Variants in ORC4 observed in about 807,000 individuals in gnomAD.
ORC4 encodes origin recognition complex, subunit 4 homolog.
In ORC4, 55 loss-of-function variants were observed where a neutral mutation model predicts 63.9. That is an observed-to-expected ratio of 0.86 (90% CI 0.69 to 1.08). The LOEUF is 1.08. Ranked by LOEUF, ORC4 falls within the 50% of genes least tolerant of loss-of-function variation. The probability of loss-of-function intolerance (pLI) is 0.00; values close to 1 mark genes in which losing one functional copy is unlikely to be tolerated. For missense variants in ORC4, 511 were observed against 504.4 expected, an observed-to-expected ratio of 1.01 and a Z score of -0.13; for synonymous variants, 150 against 168.5, an observed-to-expected ratio of 0.89 and a Z score of 0.85.
chr2:147,952,515 G>C lies in ORC4; in HGVS notation c.446C>G (p.Thr149Ser). Residue 149 changes from threonine to serine, a missense_variant, in exon 8 of 14, where the codon ACT (threonine) becomes AGT (serine). Coordinates refer to ENST00000392857, the MANE Select transcript of ORC4 (RefSeq NM_181741.4). ...TATGAAGATCACTGGGCAACTGCTA[G>C]TTCGGTCACCTAAGATAAAATAAGA... ...LLEALKKGDR[T>S]SSCPVIFILD... 1.2e-6 allele frequency: 2 copies of C among 1,609,342 alleles called. No homozygotes were observed. The highest frequency in any genetic ancestry group is 1.7e-6 in the Non-Finnish European group (2 of 1,175,722).
chr2:147,948,304 T>C, intron 8 of ORC4, 80 bp from the exon 9 acceptor site: 2 of 857,156 alleles, frequency 2.3e-6, no homozygotes, highest in Non-Finnish European at 1.9e-6. Context: ...GTTAGAGGTA[T>C]AAGTAAACTA....
rs756206130 is a variant in ORC4 at position 147,934,459 on chromosome 2, C to T, written c.*1051G>A. On this transcript the variant is annotated 3_prime_UTR_variant, in exon 14 of 14. Transcript: ENST00000392857. Reference sequence around the variant, plus strand: ...AACAGGTTCAGTTAACATTGCCATACACATCTCATTACTTTTGGGAGTGCT... The same window carrying T: ...AACAGGTTCAGTTAACATTGCCATATACATCTCATTACTTTTGGGAGTGCT... 3.3e-5 allele frequency: 5 copies of T among 152,254 alleles called. No individual in the cohort carries two copies. The highest frequency in any genetic ancestry group is 7.4e-5 in the Non-Finnish European group (5 of 68,010). The allele number at this position is 152,254 out of a possible 1,614,324, so 9.4% of individuals were successfully genotyped here. A position where few individuals can be genotyped will look rare whatever the true frequency, so the allele number is the denominator to read the frequency against.
rs199667986 is a variant in ORC4, at chr2:147,975,936, C to G, written c.23G>C (p.Ser8Thr). Reference protein sequence around the residue: MSSRKSKSNSLIHTECLS... With the variant: MSSRKSKTNSLIHTECLS... ...GCACTCTGTGTGAATTAAGCTGTTA[C>G]TCTTTGATTTACGACTGCTCATTTC... The change falls in exon 2 of 14, where the codon AGT (serine) becomes ACT (threonine). Residue 8 changes from serine to threonine, a missense_variant. Ser to Thr is a moderately conservative substitution (Grantham distance 58). Transcript: ENST00000392857. 1.9e-4 allele frequency: 307 copies of G among 1,594,466 alleles called. No individual in the cohort carries two copies. The highest frequency in any genetic ancestry group is 1.3e-4 in the Non-Finnish European group (150 of 1,162,996).
At chr2:148,018,262 A>G (rs973539816) in intron 1 of ORC4, among the ~76,000 whole-genome samples, 3 of 152,228 alleles carry the variant, frequency 2.0e-5, no homozygotes, top group Admixed American at 1.3e-4. Context: ...TAAAACAACA[A>G]TAAGATAAAG....
Position 148,017,684 on chromosome 2 carries a change from A to T in ORC4, c.-18+2949T>A, listed in dbSNP as rs1013272710. On this transcript the variant is annotated intron_variant, in intron 1 of 13. Transcript: ENST00000392857. Reference sequence around the variant, plus strand: ...GAGACTCCATCTCCAGGGGGGAAAAAATCTCCAAAAATTAAAAAATAATAA... The same window carrying T: ...GAGACTCCATCTCCAGGGGGGAAAATATCTCCAAAAATTAAAAAATAATAA... 4.6e-5 allele frequency among the ~76,000 whole-genome samples: 7 copies of T among 152,322 alleles called. No homozygotes were observed. In the South Asian group the frequency reaches 8.3e-4, roughly 18 times the overall value.
chr2:147,996,566 C>G (rs544598648), intron 1 of ORC4, among the ~76,000 whole-genome samples: 10 of 152,182 alleles, frequency 6.6e-5, no homozygotes, highest in African/African-American at 2.4e-4. Flanking sequence ...ATACAAAGAA[C>G]TCAACAAGGA....
At chr2:148,007,100 G>A (rs947081001) in intron 1 of ORC4, among the ~76,000 whole-genome samples, 1 of 152,186 alleles carries the variant, frequency 6.6e-6, no homozygotes, top group Non-Finnish European at 1.5e-5. Context: ...AGTGACTACA[G>A]GCTTAGGTCA....
chr2:147,969,603 A>G (rs1174920839), intron 4 of ORC4, among the ~76,000 whole-genome samples: 1 of 152,002 alleles, frequency 6.6e-6, no homozygotes, highest in Non-Finnish European at 1.5e-5. Context: ...CACATTGGCC[A>G]TATGACAGAA....
At chr2:148,008,529 C>T (rs577281903) in intron 1 of ORC4, among the ~76,000 whole-genome samples, 6 of 152,134 alleles carry the variant, frequency 3.9e-5, no homozygotes, top group Non-Finnish European at 2.9e-5. Context: ...TTAACTTCCT[C>T]GTAAAGCAAC....
intron 4 of ORC4, among the ~76,000 whole-genome samples, chr2:147,971,329 TTAA>T: frequency 6.6e-6 from 1 of 151,484 alleles, no homozygotes; most frequent in South Asian, 2.1e-4. Flanking sequence ...TGAAATAATA[TTAA>T]TAGTATGAAA....
In ORC4 at chr2:147,935,278, T is replaced by C. The variant is rs986039929; in HGVS notation, c.*232A>G. 7.4e-6 allele frequency: 4 copies of C among 538,666 alleles called. No individual in the cohort carries two copies. Among genetic ancestry groups the C allele is most frequent in the African/African-American group, 1.9e-5 (1 of 52,540 alleles). 33.4% of individuals were successfully genotyped at this position (538,666 alleles called of 1,614,324 possible). ...CATGGTCTAGTCCCTAAAACAGTCA[T>C]ATTTTATTCTTCTGAACAGCTACTT... On this transcript the variant is annotated 3_prime_UTR_variant, in exon 14 of 14. Transcript: ENST00000392857.
intron 4 of ORC4, among the ~76,000 whole-genome samples, chr2:147,965,137 T>C (rs536254870): frequency 3.9e-5 from 6 of 152,202 alleles, no homozygotes; most frequent in Middle Eastern, 3.4e-3. Context: ...TCACTGGTAC[T>C]GCGGATACAT....
At chr2:147,964,234 T>G (rs1438686855) in intron 4 of ORC4, among the ~76,000 whole-genome samples, 1 of 152,042 alleles carries the variant, frequency 6.6e-6, no homozygotes, top group Non-Finnish European at 1.5e-5. Context: ...CAACTTGTGA[T>G]TCGAATAAGA....
chr2:148,014,864 G>A (rs1298851064), intron 1 of ORC4, among the ~76,000 whole-genome samples: 3 of 152,174 alleles, frequency 2.0e-5, no homozygotes, highest in Non-Finnish European at 4.4e-5. Flanking sequence ...TGAGCTGCCT[G>A]TGGATTGTGG....
chr2:147,956,472 A>G lies in ORC4; in HGVS notation c.388-1077T>C, dbSNP rs549425517. On this transcript the variant is annotated intron_variant, in intron 6 of 13. Transcript: ENST00000392857. Reference sequence around the variant, plus strand: ...ACGTATTTGTGCATGTATAATATACATATATATGTCTGTTTATATCAAACC... The same window carrying G: ...ACGTATTTGTGCATGTATAATATACGTATATATGTCTGTTTATATCAAACC... 4.9e-4 allele frequency among the ~76,000 whole-genome samples: 75 copies of G among 152,178 alleles called. 1 individual carries two copies. Among genetic ancestry groups the G allele is most frequent in the African/African-American group, 1.7e-3 (70 of 41,550 alleles).
At chr2:148,021,153 G>C (rs1693694732), upstream of ORC4, 1 of 157,446 alleles carries the variant, frequency 6.4e-6, no homozygotes, top group Admixed American at 6.4e-5. Flanking sequence ...GGCAGAGGGG[G>C]GGCACCTTTT....
chr2:147,948,256 G>A lies in ORC4; in HGVS notation c.589-32C>T, dbSNP rs779717162. The A allele has an allele frequency of 2.8e-5, 42 of 1,494,672 alleles. No homozygotes were observed. In the South Asian group the frequency reaches 4.9e-4, roughly 18 times the overall value. 92.6% of individuals were successfully genotyped at this position (1,494,672 alleles called of 1,614,324 possible). A position where few individuals can be genotyped will look rare whatever the true frequency, so the allele number is the denominator to read the frequency against. ...AACAAACAGAAATCTCTATAAGGAAGATGAATGTTTTTAAAAAAACAAAAA... is the reference window on the plus strand; with the variant it reads ...AACAAACAGAAATCTCTATAAGGAAAATGAATGTTTTTAAAAAAACAAAAA... On this transcript the variant is annotated intron_variant, in intron 8 of 13. Coordinates refer to ENST00000392857, the MANE Select transcript of ORC4 (RefSeq NM_181741.4).
At chr2:147,988,129 C>G (rs942411409) in intron 1 of ORC4, among the ~76,000 whole-genome samples, 8 of 150,626 alleles carry the variant, frequency 5.3e-5, no homozygotes, top group Non-Finnish European at 1.2e-4. Context: ...CTAAATTAAA[C>G]TTAACTAATA....
At chr2:148,002,409 A>G (rs56017969) in intron 1 of ORC4, among the ~76,000 whole-genome samples, 17 of 152,264 alleles carry the variant, frequency 1.1e-4, no homozygotes, top group Non-Finnish European at 1.9e-4. Flanking sequence ...CATAACAAAC[A>G]GTCTCCCAGA....
Sources: allele counts gnomAD v4.1 joint callset (sites outside exome capture counted in the v4.1 genomes callset), GRCh38; gene constraint gnomAD v4.1.1; transcripts MANE v1.5; gene names NCBI Gene and HGNC (gene_info 2026-07-23, HGNC 2026-07-21).